Variants in MEOX2 observed in about 807,000 individuals in gnomAD.
The protein encoded by MEOX2 is mesenchyme homeobox 2, also known as homeobox protein MOX-2.
Under a neutral mutation model 27.0 loss-of-function variants are expected in MEOX2, and 11 were observed. The ratio of observed to expected loss-of-function variants is 0.41; its 90% CI spans 0.26 to 0.68. The LOEUF (loss-of-function observed/expected upper bound fraction) is 0.68. Among genes scored for constraint, MEOX2 ranks in the 30% least tolerant of loss-of-function variants. The probability of loss-of-function intolerance (pLI) is 0.33; values close to 1 mark genes in which losing one functional copy is unlikely to be tolerated. For missense variants in MEOX2, 436 were observed against 385.4 expected, an observed-to-expected ratio of 1.13 and a Z score of -1.10; for synonymous variants, 189 against 155.4, an observed-to-expected ratio of 1.22 and a Z score of -1.61.
intron 1 of MEOX2, among the ~76,000 whole-genome samples, chr7:15,645,054 A>G (rs1190012041): frequency 2.6e-5 from 4 of 152,204 alleles, no homozygotes; most frequent in Non-Finnish European, 5.9e-5. Flanking sequence ...TAACCTAATA[A>G]AGAAAGAAGA....
Position 15,612,480 on chromosome 7 carries a change from T to G in MEOX2, c.822A>C (p.Gly274=). The change falls in exon 3 of 3, where the codon GGA becomes GGC. Residue 274 remains glycine (G), a synonymous_variant. Transcript: ENST00000262041. ...KGTLLPSELS[G]IGAATLQQTG... Reference sequence around the variant, plus strand: ...TTTGCTGGAGGGTGGCTGCACCAATTCCCGACAGCTCTGATGGGAGAAGTG... The same window carrying G: ...TTTGCTGGAGGGTGGCTGCACCAATGCCCGACAGCTCTGATGGGAGAAGTG... 1 of 1,614,130 alleles carries G rather than the reference T, an allele frequency of 6.2e-7. No homozygotes were observed. The highest frequency in any genetic ancestry group is 8.5e-7 in the Non-Finnish European group (1 of 1,180,022).
chr7:15,664,074 T>C (rs1381943128), intron 1 of MEOX2, among the ~76,000 whole-genome samples: 2 of 152,218 alleles, frequency 1.3e-5, no homozygotes, highest in Non-Finnish European at 2.9e-5. Context: ...TTTAGCATCA[T>C]GATTGTTAAA....
In MEOX2 at chr7:15,612,278, T is replaced by G; in HGVS notation, c.*109A>C. On this transcript the variant is annotated 3_prime_UTR_variant, in exon 3 of 3. Coordinates refer to ENST00000262041, the MANE Select transcript of MEOX2 (RefSeq NM_005924.5). The stretch of plus-strand genomic sequence containing the variant: ...ACAGATTCGAAATGCCTGGATTTAA[T>G]AATATTAAACATCACTGCCATAGTC... The G allele has an allele frequency of 1.1e-6, 1 of 878,060 alleles. No individual in the cohort carries two copies. The highest frequency in any genetic ancestry group is 1.8e-6 in the Non-Finnish European group (1 of 551,542). 54.4% of individuals were successfully genotyped at this position (878,060 alleles called of 1,614,324 possible). A position where few individuals can be genotyped will look rare whatever the true frequency, so the allele number is the denominator to read the frequency against.
intron 1 of MEOX2, chr7:15,677,416 G>T (rs1450797821): frequency 6.6e-6 from 1 of 152,202 alleles, no homozygotes; most frequent in Non-Finnish European, 1.5e-5. Flanking sequence ...TAACTATTGT[G>T]TTCTCCCAGA....
chr7:15,621,624 C>G (rs2115356865), intron 2 of MEOX2, among the ~76,000 whole-genome samples: 1 of 152,250 alleles, frequency 6.6e-6, no homozygotes, highest in East Asian at 1.9e-4. Context: ...CTTCATGACA[C>G]ATATATGAGT....
At position 15,657,359 on chromosome 7, in the gene MEOX2, T is replaced by C. The variant is rs536690212; in HGVS notation, c.517+28527A>G. 2.6e-3 allele frequency among the ~76,000 whole-genome samples: 394 copies of C among 152,300 alleles called. 2 individuals are homozygous for C. Among genetic ancestry groups the C allele is most frequent in the African/African-American group, 9.1e-3 (380 of 41,582 alleles). ...TTGCTTTTGGTCACAGTCTCACAGA[T>C]CCATATGGTAAAAATTTTTTTTCAA... On this transcript the variant is annotated intron_variant, in intron 1 of 2. Coordinates refer to ENST00000262041, the MANE Select transcript of MEOX2 (RefSeq NM_005924.5).
At chr7:15,659,636 T>C (rs974032187) in intron 1 of MEOX2, among the ~76,000 whole-genome samples, 9 of 151,724 alleles carry the variant, frequency 5.9e-5, no homozygotes, top group Non-Finnish European at 1.2e-4. Flanking sequence ...GGCGGACACC[T>C]GTAGTCCCAG....
chr7:15,667,701 T>C (rs1014976559), intron 1 of MEOX2, among the ~76,000 whole-genome samples: 1 of 152,158 alleles, frequency 6.6e-6, no homozygotes, highest in Admixed American at 6.5e-5. Context: ...CTTTAAATAA[T>C]TCATCTTGGG....
At chr7:15,645,349 T>C (rs1781624036) in intron 1 of MEOX2, among the ~76,000 whole-genome samples, 1 of 152,168 alleles carries the variant, frequency 6.6e-6, no homozygotes, top group Admixed American at 6.5e-5. Flanking sequence ...CAGTGTTCTT[T>C]AAATGAAATA....
At chr7:15,680,807 C>T (rs1782281075) in intron 1 of MEOX2, 1 of 151,718 alleles carries the variant, frequency 6.6e-6, no homozygotes, top group Non-Finnish European at 1.5e-5. Flanking sequence ...TAAATCACAT[C>T]TACTTCAATT....
intron 1 of MEOX2, among the ~76,000 whole-genome samples, chr7:15,666,684 G>A (rs1440217760): frequency 4.8e-5 from 7 of 144,466 alleles, no homozygotes; most frequent in African/African-American, 1.0e-4. Context: ...CCTGGGAGGC[G>A]GAGGTTGCAG....
intron 1 of MEOX2, among the ~76,000 whole-genome samples, chr7:15,660,477 T>G (rs1344856137): frequency 1.3e-5 from 2 of 152,136 alleles, no homozygotes; most frequent in Non-Finnish European, 2.9e-5. Flanking sequence ...ATGAGGTAAT[T>G]CCTGATGGTG....
intron 2 of MEOX2, among the ~76,000 whole-genome samples, chr7:15,613,819 T>A (rs1175980352): frequency 1.3e-5 from 2 of 152,116 alleles, no homozygotes; most frequent in East Asian, 3.9e-4. Context: ...ACCATTTTTC[T>A]GTTCTACCAT....
chr7:15,668,014 T>A (rs1275181860), intron 1 of MEOX2: 1 of 152,214 alleles, frequency 6.6e-6, no homozygotes, highest in Non-Finnish European at 1.5e-5. Context: ...AATTTCTTAT[T>A]GGTTTAATTC....
intron 1 of MEOX2, among the ~76,000 whole-genome samples, chr7:15,674,962 A>G (rs1025480362): frequency 2.1e-5 from 3 of 143,148 alleles, no homozygotes; most frequent in Admixed American, 1.4e-4. Context: ...AAAGTTAAGG[A>G]CTTGAGATAA....
intron 2 of MEOX2, among the ~76,000 whole-genome samples, chr7:15,622,191 T>G (rs1781232205): frequency 6.6e-6 from 1 of 152,186 alleles, no homozygotes. Flanking sequence ...CATGATATCT[T>G]TCTTTTGATG....
chr7:15,612,041 C>A lies in MEOX2; in HGVS notation c.*346G>T. 3.5e-6 allele frequency: 1 copy of A among 282,316 alleles called. No individual in the cohort carries two copies. The highest frequency in any genetic ancestry group is 6.9e-6 in the Non-Finnish European group (1 of 145,846). 17.5% of individuals were successfully genotyped at this position (282,316 alleles called of 1,614,324 possible). A position where few individuals can be genotyped will look rare whatever the true frequency, so the allele number is the denominator to read the frequency against. On this transcript the variant is annotated 3_prime_UTR_variant, in exon 3 of 3. Transcript: ENST00000262041. ...CAAGTTCATCCTCGGCATCTTCACTCTGGAGACATCTTGAATAAAAAACCG... is the reference window on the plus strand; with the variant it reads ...CAAGTTCATCCTCGGCATCTTCACTATGGAGACATCTTGAATAAAAAACCG...
chr7:15,627,826 C>CACACACACACACACACACAT (rs1562597858), intron 1 of MEOX2, among the ~76,000 whole-genome samples: 7 of 151,550 alleles, frequency 4.6e-5, no homozygotes, highest in South Asian at 2.1e-4. Flanking sequence ...CACACACACA[C>CACACACACACACACACACAT]GTCAAGTAAA....
intron 1 of MEOX2, among the ~76,000 whole-genome samples, chr7:15,675,507 A>G (rs569014891): frequency 2.0e-5 from 3 of 152,094 alleles, no homozygotes; most frequent in African/African-American, 7.2e-5. Context: ...ATTTTACGAG[A>G]TTTTCCTTTT....
Sources: allele counts gnomAD v4.1 joint callset (sites outside exome capture counted in the v4.1 genomes callset), GRCh38; gene constraint gnomAD v4.1.1; transcripts MANE v1.5; gene names NCBI Gene and HGNC (gene_info 2026-07-23, HGNC 2026-07-21).